GMFB: variants seen among roughly 807,000 people sequenced by gnomAD.
GMFB encodes the protein GMF-beta.
Under a neutral mutation model 25.6 loss-of-function variants are expected in GMFB, and 13 were observed. The ratio of observed to expected loss-of-function variants is 0.51; its 90% CI spans 0.33 to 0.81. The LOEUF (loss-of-function observed/expected upper bound fraction) is 0.81. GMFB is among the 30% of genes least tolerant of loss of function. The probability of loss-of-function intolerance (pLI) is 0.02; values close to 1 mark genes in which losing one functional copy is unlikely to be tolerated. For missense variants in GMFB, 146 were observed against 175.4 expected (o/e 0.83, Z 0.95); for synonymous variants, 57 against 56.9 (o/e 1.00, Z 0.00).
rs1425452906 is a variant in GMFB at position 54,484,030 on chromosome 14, A to G, written c.4-263T>C. The G allele has an allele frequency of 1.8e-5, 10 of 556,940 alleles. No individual in the cohort carries two copies. In the Admixed American group the frequency reaches 1.9e-4, roughly 10 times the overall value. The allele number at this position is 556,940 out of a possible 1,614,324, so 34.5% of individuals were successfully genotyped here. A position where few individuals can be genotyped will look rare whatever the true frequency, so the allele number is the denominator to read the frequency against. ...TTGGCTAATGAATGTCTCAAAAACC[A>G]CACACATAATAATGTGCAATGTCAT... On this transcript the variant is annotated intron_variant, in intron 1 of 6. Transcript: ENST00000358056.
rs1219016373 is a variant in GMFB at position 54,481,399 on chromosome 14, A to G, written c.200+10T>C. ...AAAATAAATCTTTTAAAGCACTAAG[A>G]AAAGGATATCGAGGTTGTCGTTCAG... On this transcript the variant is annotated intron_variant, in intron 4 of 6. Coordinates refer to ENST00000358056, the MANE Select transcript of GMFB (RefSeq NM_004124.3). 1 of 1,572,032 alleles carries G rather than the reference A, an allele frequency of 6.4e-7. No homozygotes were observed. Among genetic ancestry groups the G allele is most frequent in the South Asian group, 1.1e-5 (1 of 90,208 alleles).
intron 1 of GMFB, chr14:54,484,040 T>C (rs1260544679): frequency 1.9e-6 from 1 of 532,930 alleles, no homozygotes; most frequent in African/African-American, 1.9e-5. Flanking sequence ...ACACACATAA[T>C]AATGTGCAAT....
rs1373221828 is a variant in GMFB, at chr14:54,481,919, T to C, written c.150+234A>G. Reference sequence around the variant, plus strand: ...CAAAGTTGACTCACTTCTTACTCAGTATATGACCCCAACTTATACCACTTA... The same window carrying C: ...CAAAGTTGACTCACTTCTTACTCAGCATATGACCCCAACTTATACCACTTA... On this transcript the variant is annotated intron_variant, in intron 3 of 6. Transcript: ENST00000358056. 1.1e-4 allele frequency among the ~76,000 whole-genome samples: 16 copies of C among 152,156 alleles called. 1 individual carries two copies. Among genetic ancestry groups the C allele is most frequent in the Admixed American group, 1.0e-3 (16 of 15,276 alleles).
At chr14:54,486,485 C>T (rs1248229308) in intron 1 of GMFB, among the ~76,000 whole-genome samples, 2 of 152,090 alleles carry the variant, frequency 1.3e-5, no homozygotes, top group African/African-American at 4.8e-5. Context: ...AGCTAAAAAG[C>T]TTCTGAGAGG....
chr14:54,485,637 T>C (rs554228095), intron 1 of GMFB, among the ~76,000 whole-genome samples: 3 of 152,148 alleles, frequency 2.0e-5, no homozygotes, highest in South Asian at 2.1e-4. Flanking sequence ...AAAATACCAA[T>C]GACATTCTTA....
rs1217471281 is a variant in GMFB at position 54,474,729 on chromosome 14, C to T, written c.*3359G>A. The T allele has an allele frequency of 6.6e-6, 1 of 152,510 alleles. No individual in the cohort carries two copies. The highest frequency in any genetic ancestry group is 6.5e-5 in the Admixed American group (1 of 15,268). The allele number at this position is 152,510 out of a possible 1,614,324, so 9.4% of individuals were successfully genotyped here. On this transcript the variant is annotated 3_prime_UTR_variant, in exon 7 of 7. Transcript: ENST00000358056. Reference sequence around the variant, plus strand: ...TCTAAATCAGTGGGAACTGCCCTGGCATGTTAATGATCTCAAACAATATTC... The same window carrying T: ...TCTAAATCAGTGGGAACTGCCCTGGTATGTTAATGATCTCAAACAATATTC...
At chr14:54,486,649 T>C (rs1057061518) in intron 1 of GMFB, among the ~76,000 whole-genome samples, 3 of 152,224 alleles carry the variant, frequency 2.0e-5, no homozygotes, top group Non-Finnish European at 4.4e-5. Context: ...AGTTAACATG[T>C]ATCAGACCCT....
At chr14:54,488,546 C>T (rs901444953) in intron 1 of GMFB, 2 of 226,876 alleles carry the variant, frequency 8.8e-6, no homozygotes, top group African/African-American at 2.3e-5. Flanking sequence ...ACGGCCCTGG[C>T]AGGGAAAGCA....
intron 1 of GMFB, among the ~76,000 whole-genome samples, chr14:54,485,714 C>A (rs2031772143): frequency 6.6e-6 from 1 of 152,086 alleles, no homozygotes; most frequent in Non-Finnish European, 1.5e-5. Context: ...GCCAAAGCAA[C>A]CCTCAGCAAA....
chr14:54,480,516 AC>A (rs2031696147), intron 5 of GMFB: 1 of 181,096 alleles, frequency 5.5e-6, no homozygotes, highest in Non-Finnish European at 1.1e-5. Context: ...TAAAAGAAAC[AC>A]AAATATATGC....
chr14:54,480,934 A>G lies in GMFB; in HGVS notation c.223T>C (p.Tyr75His), dbSNP rs769549222. The G allele has an allele frequency of 2.9e-5, 44 of 1,509,622 alleles. No homozygotes were observed. In the Admixed American group the frequency reaches 5.3e-4, roughly 18 times the overall value. 93.5% of individuals were successfully genotyped at this position (1,509,622 alleles called of 1,614,324 possible). The change falls in exon 5 of 7, where the codon TAT becomes CAT. Residue 75 changes from tyrosine (Y) to histidine (H), a missense_variant. Tyr to His is a moderately conservative substitution (Grantham distance 83). Coordinates refer to ENST00000358056, the MANE Select transcript of GMFB (RefSeq NM_004124.3). ...QPRFIVYSYK[Y>H]QHDDGRVSYP... is the part of the protein sequence containing the mutation. Reference sequence around the variant, plus strand: ...GAAACTCTTCCATCATCATGTTGATATTTATAACTATACACAATGAAGGTT... The same window carrying G: ...GAAACTCTTCCATCATCATGTTGATGTTTATAACTATACACAATGAAGGTT...
rs765444926 is a variant in GMFB, at chr14:54,488,905, C to T, written c.3+20G>A. 1 of 1,559,066 alleles carries T rather than the reference C, an allele frequency of 6.4e-7. No homozygotes were observed. Among genetic ancestry groups the T allele is most frequent in the Non-Finnish European group, 8.7e-7 (1 of 1,155,892 alleles). ...GGCTCGCCCAGCCCTCCGGCCCCCGCCCTCCCAGCGGCAACTCACCATTTT... is the reference window on the plus strand; with the variant it reads ...GGCTCGCCCAGCCCTCCGGCCCCCGTCCTCCCAGCGGCAACTCACCATTTT... On this transcript the variant is annotated intron_variant, in intron 1 of 6. Coordinates refer to ENST00000358056, the MANE Select transcript of GMFB (RefSeq NM_004124.3).
intron 3 of GMFB, 76 bp downstream of exon 3, chr14:54,482,077 T>C (rs987134683): frequency 3.3e-6 from 3 of 915,000 alleles, no homozygotes; most frequent in African/African-American, 3.3e-5. Flanking sequence ...TTTAGAAGCA[T>C]ATGTAACTAA....
intron 2 of GMFB, 24 bp downstream of exon 2, chr14:54,483,647 T>C (rs761613915): frequency 1.7e-6 from 2 of 1,204,684 alleles, no homozygotes; most frequent in East Asian, 4.7e-5. Context: ...CCATGTAACT[T>C]TGAGGCAATC....
rs2031657716 is a variant in GMFB, at chr14:54,477,615, A to G, written c.*473T>C. 1 of 152,264 alleles carries G rather than the reference A, an allele frequency of 6.6e-6. No homozygotes were observed. Among genetic ancestry groups the G allele is most frequent in the South Asian group, 2.1e-4 (1 of 4,834 alleles). The allele number at this position is 152,264 out of a possible 1,614,324, so 9.4% of individuals were successfully genotyped here. A position where few individuals can be genotyped will look rare whatever the true frequency, so the allele number is the denominator to read the frequency against. On this transcript the variant is annotated 3_prime_UTR_variant, in exon 7 of 7. Transcript: ENST00000358056. ...TGTACTTGTAATACAGGTTACACTA[A>G]ATTATTCATGGCTCAATACTGGGTC...
At chr14:54,486,463 GA>G (rs1281186269) in intron 1 of GMFB, among the ~76,000 whole-genome samples, 21 of 152,218 alleles carry the variant, frequency 1.4e-4, no homozygotes, top group African/African-American at 5.1e-4. Context: ...ATAGACAAAT[GA>G]GATCATATCA....
At chr14:54,486,791 A>G (rs1056651745) in intron 1 of GMFB, among the ~76,000 whole-genome samples, 2 of 148,760 alleles carry the variant, frequency 1.3e-5, no homozygotes, top group African/African-American at 4.9e-5. Flanking sequence ...TCTTTCCCCA[A>G]TTACATAGCT....
At chr14:54,488,014 A>T (rs1299625420) in intron 1 of GMFB, among the ~76,000 whole-genome samples, 1 of 152,182 alleles carries the variant, frequency 6.6e-6, no homozygotes, top group East Asian at 1.9e-4. Flanking sequence ...AAGAGAGTAT[A>T]ACACTCTGGA....
In GMFB at chr14:54,477,813, C is replaced by A; in HGVS notation, c.*275G>T. On this transcript the variant is annotated 3_prime_UTR_variant, in exon 7 of 7. Coordinates refer to ENST00000358056, the MANE Select transcript of GMFB (RefSeq NM_004124.3). ...CTGTAAATAGTAACAAATTCCGAAC[C>A]ATAAGTTATAGAAATTAGTCACAAG... The A allele has an allele frequency of 3.5e-6, 1 of 284,544 alleles. No individual in the cohort carries two copies. The highest frequency in any genetic ancestry group is 6.5e-6 in the Non-Finnish European group (1 of 153,034). The allele number at this position is 284,544 out of a possible 1,614,324, so 17.6% of individuals were successfully genotyped here. A position where few individuals can be genotyped will look rare whatever the true frequency, so the allele number is the denominator to read the frequency against.
Sources: gnomAD v4.1 joint callset for allele counts (sites outside exome capture counted in the v4.1 genomes callset) on GRCh38, gnomAD v4.1.1 for gene constraint, MANE v1.5 for transcripts, NCBI Gene and HGNC (gene_info 2026-07-23, HGNC 2026-07-21) for gene names.